DYM: variants seen among roughly 807,000 people sequenced by gnomAD.
The protein encoded by DYM is dymeclin.
Under a neutral mutation model 93.1 loss-of-function variants are expected in DYM, and 78 were observed. The observed-to-expected ratio is 0.84, with a 90% confidence interval of 0.70 to 1.01. The LOEUF is 1.01. Ranked by LOEUF, DYM falls within the 50% of genes least tolerant of loss-of-function variation. The pLI is 0.00. For missense variants in DYM, 789 were observed against 845.0 expected (o/e 0.93, Z 0.82); for synonymous variants, 321 against 319.7 (o/e 1.00, Z -0.04).
At chr18:49,083,189 G>A (rs1019668242) in intron 17 of DYM, among the ~76,000 whole-genome samples, 2 of 152,188 alleles carry the variant, frequency 1.3e-5, no homozygotes, top group African/African-American at 4.8e-5. Context: ...CAAGAAAACT[G>A]TACTTACAAA....
intron 16 of DYM, among the ~76,000 whole-genome samples, chr18:49,110,127 T>G (rs1317166059): frequency 6.6e-6 from 1 of 152,234 alleles, no homozygotes; most frequent in Non-Finnish European, 1.5e-5. Context: ...TGGCTGCCAT[T>G]GAATTACAAT....
chr18:49,300,533 G>A (rs1451017099), intron 8 of DYM, among the ~76,000 whole-genome samples: 5 of 151,732 alleles, frequency 3.3e-5, no homozygotes, highest in African/African-American at 1.2e-4. Flanking sequence ...CTGGGAAGCG[G>A]AAATTAGAGT....
chr18:49,358,898 A>T (rs1437511524), intron 6 of DYM, among the ~76,000 whole-genome samples: 2 of 152,216 alleles, frequency 1.3e-5, no homozygotes, highest in African/African-American at 4.8e-5. Context: ...TCCTCAAAAT[A>T]ACTTCCATTT....
intron 14 of DYM, among the ~76,000 whole-genome samples, chr18:49,192,219 G>T (rs1384412912): frequency 6.7e-6 from 1 of 149,320 alleles, no homozygotes; most frequent in African/African-American, 2.5e-5. Flanking sequence ...ACTGCACCTA[G>T]CCTCTAGCAA....
At chr18:49,397,550 T>G (rs1355490943) in intron 2 of DYM, among the ~76,000 whole-genome samples, 1 of 152,238 alleles carries the variant, frequency 6.6e-6, no homozygotes, top group Non-Finnish European at 1.5e-5. Flanking sequence ...ATCCTCCAAA[T>G]GGGCAACTCT....
At chr18:49,268,898 G>A (rs2094620819) in intron 11 of DYM, among the ~76,000 whole-genome samples, 1 of 151,874 alleles carries the variant, frequency 6.6e-6, no homozygotes, top group Non-Finnish European at 1.5e-5. Flanking sequence ...CAAGAACCAA[G>A]AAATTTCTAT....
At chr18:49,051,301 G>A (rs2072409148) in intron 17 of DYM, among the ~76,000 whole-genome samples, 1 of 152,258 alleles carries the variant, frequency 6.6e-6, no homozygotes, top group African/African-American at 2.4e-5. Flanking sequence ...GGTGAGCCCA[G>A]GCTGGGGACA....
Position 49,383,834 on chromosome 18 carries a change from A to T in DYM, c.194-4076T>A, listed in dbSNP as rs796926760. On this transcript the variant is annotated intron_variant, in intron 3 of 17. Transcript: ENST00000675505. Reference sequence around the variant, plus strand: ...AGTAGGTGCTCCATAAATATGTGTTAGTTTAATGAAAAGGAGAAAATAACA... The same window carrying T: ...AGTAGGTGCTCCATAAATATGTGTTTGTTTAATGAAAAGGAGAAAATAACA... Among the ~76,000 whole-genome samples the T allele has an allele frequency of 3.3e-4, 50 of 152,340 alleles. 1 individual carries two copies. The highest frequency in any genetic ancestry group is 1.2e-3 in the African/African-American group (49 of 41,568).
At chr18:49,157,067 G>C (rs1400438699) in intron 15 of DYM, among the ~76,000 whole-genome samples, 3 of 152,104 alleles carry the variant, frequency 2.0e-5, no homozygotes, top group Non-Finnish European at 2.9e-5. Context: ...GGACATGCCT[G>C]ACCTTGGGAA....
rs187163446 is a variant in DYM at position 49,284,838 on chromosome 18, T to C, written c.946+1596A>G. Among the ~76,000 whole-genome samples, 87 of 152,306 alleles carry C rather than the reference T, an allele frequency of 5.7e-4. 1 individual carries two copies. The highest frequency in any genetic ancestry group is 4.1e-3 in the Admixed American group (63 of 15,296). On this transcript the variant is annotated intron_variant, in intron 9 of 17. Coordinates refer to ENST00000675505, the MANE Select transcript of DYM (RefSeq NM_001353214.3). ...AATTGTTATTAATTCCCTATTGTCC[T>C]GTGTTATAGTTTGCCTGTATCCTCT...
At chr18:49,392,683 A>T (rs1192408285) in intron 2 of DYM, among the ~76,000 whole-genome samples, 84 of 29,436 alleles carry the variant, frequency 2.9e-3, no homozygotes, top group African/African-American at 0.013. Context: ...CTTTTATTTA[A>T]AAAAAAAAAA....
At chr18:49,291,149 G>T (rs998410839) in intron 8 of DYM, among the ~76,000 whole-genome samples, 4 of 152,080 alleles carry the variant, frequency 2.6e-5, no homozygotes, top group African/African-American at 9.7e-5. Context: ...ATAATGGGCA[G>T]GTGTCCTTTT....
At chr18:49,120,740 C>A (rs576633183) in intron 15 of DYM, among the ~76,000 whole-genome samples, 3 of 152,284 alleles carry the variant, frequency 2.0e-5, no homozygotes, top group South Asian at 2.1e-4. Context: ...CTATCTGGCT[C>A]TTTACAGAAA....
intron 6 of DYM, among the ~76,000 whole-genome samples, chr18:49,360,696 A>C (rs2065945972): frequency 6.6e-6 from 1 of 152,206 alleles, no homozygotes; most frequent in Non-Finnish European, 1.5e-5. Context: ...CACTCCACAT[A>C]CCATGACAAA....
intron 2 of DYM, among the ~76,000 whole-genome samples, chr18:49,410,401 C>G (rs1168045783): frequency 5.9e-5 from 9 of 151,734 alleles, no homozygotes; most frequent in African/African-American, 2.2e-4. Context: ...ATGGACACTG[C>G]CAGGCCATGG....
At chr18:49,294,033 T>C (rs1277356723) in intron 8 of DYM, among the ~76,000 whole-genome samples, 1 of 152,202 alleles carries the variant, frequency 6.6e-6, no homozygotes, top group African/African-American at 2.4e-5. Flanking sequence ...TTTCTGCACA[T>C]GGTTAGCCAG....
intron 17 of DYM, among the ~76,000 whole-genome samples, chr18:49,051,279 G>C (rs1475685633): frequency 6.6e-6 from 1 of 152,222 alleles, no homozygotes; most frequent in Non-Finnish European, 1.5e-5. Flanking sequence ...TGAGTGATGG[G>C]GTTGATCACC....
At chr18:49,418,360 GA>G (rs902432302) in intron 2 of DYM, among the ~76,000 whole-genome samples, 27 of 151,838 alleles carry the variant, frequency 1.8e-4, no homozygotes, top group African/African-American at 5.6e-4. Context: ...AAATATTTAG[GA>G]AAAAAACAGT....
chr18:49,076,048 G>T (rs1233738736), intron 17 of DYM, among the ~76,000 whole-genome samples: 1 of 152,186 alleles, frequency 6.6e-6, no homozygotes, highest in African/African-American at 2.4e-5. Context: ...TGTACAGGCA[G>T]TATAACAACA....
Sources: allele counts gnomAD v4.1 joint callset (sites outside exome capture counted in the v4.1 genomes callset), GRCh38; gene constraint gnomAD v4.1.1; transcripts MANE v1.5; gene names NCBI Gene and HGNC (gene_info 2026-07-23, HGNC 2026-07-21).